DACH1: variants seen among roughly 807,000 people sequenced by gnomAD.
The protein encoded by DACH1 is dachshund family transcription factor 1.
Under a neutral mutation model 54.2 loss-of-function variants are expected in DACH1, and 12 were observed. The observed-to-expected ratio is 0.22, with a 90% CI of 0.14 to 0.36. The LOEUF (loss-of-function observed/expected upper bound fraction) is 0.36, where lower values mean the gene tolerates loss of function less well. DACH1 is among the 10% of genes least tolerant of loss of function. The pLI is 1.00. For missense variants in DACH1, 805 were observed against 929.8 expected (o/e 0.87, Z 1.75); for synonymous variants, 386 against 366.2 (o/e 1.05, Z -0.62).
intron 1 of DACH1, among the ~76,000 whole-genome samples, chr13:71,737,939 G>T (rs1266347384): frequency 6.6e-6 from 1 of 152,158 alleles, no homozygotes; most frequent in Non-Finnish European, 1.5e-5. Flanking sequence ...GATGAGTAAC[G>T]CTGAAAGTGA....
intron 6 of DACH1, among the ~76,000 whole-genome samples, chr13:71,550,018 G>T (rs1883707920): frequency 6.6e-6 from 1 of 151,980 alleles, no homozygotes; most frequent in African/African-American, 2.4e-5. Flanking sequence ...CTCCAAAACT[G>T]TACACATTAC....
Position 71,867,149 on chromosome 13 carries a change from T to G in DACH1, c.-380A>C. 1 of 176,380 alleles carries G rather than the reference T, an allele frequency of 5.7e-6. No individual in the cohort carries two copies. The highest frequency in any genetic ancestry group is 1.2e-5 in the Non-Finnish European group (1 of 84,446). The allele number at this position is 176,380 out of a possible 1,614,324, so 10.9% of individuals were successfully genotyped here. A position where few individuals can be genotyped will look rare whatever the true frequency, so the allele number is the denominator to read the frequency against. On this transcript the variant is annotated 5_prime_UTR_variant, in exon 1 of 11. Transcript: ENST00000613252. Reference sequence around the variant, plus strand: ...AGGATGAAGGTGAAAAGGAGGAGGTTTGAAGGACTTGGGCTCTCCCTGGCA... The same window carrying G: ...AGGATGAAGGTGAAAAGGAGGAGGTGTGAAGGACTTGGGCTCTCCCTGGCA...
At chr13:71,809,055 G>A (rs919997115) in intron 1 of DACH1, among the ~76,000 whole-genome samples, 2 of 152,094 alleles carry the variant, frequency 1.3e-5, no homozygotes, top group Non-Finnish European at 2.9e-5. Context: ...TTTCAATAGG[G>A]GAGGAATAAA....
At chr13:71,533,109 A>C (rs948394020) in intron 6 of DACH1, among the ~76,000 whole-genome samples, 1 of 151,860 alleles carries the variant, frequency 6.6e-6, no homozygotes, top group Non-Finnish European at 1.5e-5. Flanking sequence ...AAAAAAAACA[A>C]ATCAGGAGAG....
intron 6 of DACH1, among the ~76,000 whole-genome samples, chr13:71,505,724 T>G (rs953079143): frequency 3.3e-5 from 5 of 152,180 alleles, no homozygotes; most frequent in African/African-American, 1.2e-4. Context: ...CTTTCATTAC[T>G]TATTCCTTCT....
At chr13:71,828,648 T>TC (rs1888471272) in intron 1 of DACH1, among the ~76,000 whole-genome samples, 1 of 151,988 alleles carries the variant, frequency 6.6e-6, no homozygotes. Flanking sequence ...TCTTTGTTTT[T>TC]CACAGACTTT....
At chr13:71,852,838 C>T (rs1387713066) in intron 1 of DACH1, among the ~76,000 whole-genome samples, 1 of 152,166 alleles carries the variant, frequency 6.6e-6, no homozygotes, top group Non-Finnish European at 1.5e-5. Context: ...TCAGCCTTGT[C>T]ATTTCCAATT....
At chr13:71,687,362 A>G (rs1259374887) in intron 1 of DACH1, among the ~76,000 whole-genome samples, 2 of 152,112 alleles carry the variant, frequency 1.3e-5, no homozygotes, top group Admixed American at 1.3e-4. Flanking sequence ...ATGGTAACAT[A>G]CAGGAATGCT....
chr13:71,625,519 C>G (rs1200793251), intron 3 of DACH1, among the ~76,000 whole-genome samples: 1 of 151,970 alleles, frequency 6.6e-6, no homozygotes, highest in Non-Finnish European at 1.5e-5. Context: ...ATCTCTTTAA[C>G]TGCCTGGCTT....
At chr13:71,749,354 T>C (rs779035437) in intron 1 of DACH1, among the ~76,000 whole-genome samples, 2 of 152,120 alleles carry the variant, frequency 1.3e-5, no homozygotes, top group Non-Finnish European at 2.9e-5. Flanking sequence ...AAGATTTTAA[T>C]TTGCCTAAAA....
At chr13:71,800,040 G>A (rs1472745705) in intron 1 of DACH1, among the ~76,000 whole-genome samples, 1 of 152,064 alleles carries the variant, frequency 6.6e-6, no homozygotes, top group Non-Finnish European at 1.5e-5. Flanking sequence ...TCTCTGACGA[G>A]ATTCATGAGT....
At chr13:71,748,855 TTTC>T (rs1467008857) in intron 1 of DACH1, among the ~76,000 whole-genome samples, 3 of 27,906 alleles carry the variant, frequency 1.1e-4, no homozygotes, top group African/African-American at 1.6e-4. Flanking sequence ...TCTTTCTTTC[TTTC>T]TTTCTTTCTT....
chr13:71,481,195 T>G (rs1167629292), intron 7 of DACH1, among the ~76,000 whole-genome samples: 2 of 152,214 alleles, frequency 1.3e-5, no homozygotes, highest in African/African-American at 4.8e-5. Context: ...CTTTGAAAGA[T>G]GTACTCTGTG....
chr13:71,698,079 A>T (rs1348032815), intron 1 of DACH1, among the ~76,000 whole-genome samples: 3 of 152,192 alleles, frequency 2.0e-5, no homozygotes, highest in Non-Finnish European at 2.9e-5. Flanking sequence ...ATGTGTATGT[A>T]AAAGACGGAT....
chr13:71,717,482 C>G (rs952695592), intron 1 of DACH1, among the ~76,000 whole-genome samples: 1 of 147,336 alleles, frequency 6.8e-6, no homozygotes, highest in East Asian at 2.0e-4. Flanking sequence ...AATGAAAACA[C>G]TGCAAGGACC....
intron 6 of DACH1, among the ~76,000 whole-genome samples, chr13:71,502,004 C>G (rs987848099): frequency 6.6e-6 from 1 of 152,138 alleles, no homozygotes; most frequent in Non-Finnish European, 1.5e-5. Flanking sequence ...CCTTATTTCA[C>G]AGCCCATGTT....
chr13:71,723,272 A>T (rs746568252), intron 1 of DACH1, among the ~76,000 whole-genome samples: 23 of 151,390 alleles, frequency 1.5e-4, no homozygotes, highest in Non-Finnish European at 2.9e-4. Context: ...AAATTAGTCC[A>T]GCGTGGTGGC....
In DACH1 at chr13:71,819,480, G is replaced by T. The variant is rs76558618; in HGVS notation, c.848+46442C>A. On this transcript the variant is annotated intron_variant, in intron 1 of 10. Coordinates refer to ENST00000613252, the MANE Select transcript of DACH1 (RefSeq NM_080759.6). ...AGCCTCTCTCCTTTCATTTTATGTGGTCCTGGTCTGGGATTGACAGTCTGT... is the reference window on the plus strand; with the variant it reads ...AGCCTCTCTCCTTTCATTTTATGTGTTCCTGGTCTGGGATTGACAGTCTGT... Among the ~76,000 whole-genome samples the T allele has an allele frequency of 3.7e-4, 56 of 152,306 alleles. 1 individual carries two copies. The East Asian group carries it at 0.011, about 29-fold the overall frequency.
At chr13:71,642,721 T>G (rs1350648203) in intron 2 of DACH1, among the ~76,000 whole-genome samples, 1 of 152,012 alleles carries the variant, frequency 6.6e-6, no homozygotes, top group East Asian at 1.9e-4. Context: ...ATGGATTGGT[T>G]TAAAAATTAC....
Sources: allele counts gnomAD v4.1 joint callset (sites outside exome capture counted in the v4.1 genomes callset), GRCh38; gene constraint gnomAD v4.1.1; transcripts MANE v1.5; gene names NCBI Gene and HGNC (gene_info 2026-07-23, HGNC 2026-07-21).